The following FHOD3 variants were observed in gnomAD, a reference collection of about 807,000 sequenced individuals.
The protein encoded by FHOD3 is FH1/FH2 domain-containing protein 3.
In FHOD3, 90 loss-of-function variants were observed where a neutral mutation model predicts 173.0. That is an observed-to-expected ratio of 0.52 (90% CI 0.44 to 0.62). The LOEUF (loss-of-function observed/expected upper bound fraction) is 0.62. Among genes scored for constraint, FHOD3 ranks in the 20% least tolerant of loss-of-function variants. FHOD3 has a pLI of 0.00. For missense variants in FHOD3, 1,945 were observed against 2,034.7 expected (o/e 0.96, Z 0.85); for synonymous variants, 828 against 823.0 (o/e 1.01, Z -0.10).
intron 4 of FHOD3, among the ~76,000 whole-genome samples, chr18:36,502,469 A>G (rs1463526472): frequency 1.3e-5 from 2 of 151,364 alleles, no homozygotes; most frequent in Non-Finnish European, 2.9e-5. Context: ...TCATTGTTCA[A>G]CTCTCACTTA....
intron 5 of FHOD3, among the ~76,000 whole-genome samples, chr18:36,524,487 A>G (rs1023410836): frequency 1.3e-5 from 2 of 152,106 alleles, no homozygotes; most frequent in African/African-American, 4.8e-5. Context: ...GCTCACAGAA[A>G]CACCAGGGAG....
intron 5 of FHOD3, among the ~76,000 whole-genome samples, chr18:36,513,588 G>A (rs988820957): frequency 4.6e-5 from 7 of 152,108 alleles, no homozygotes; most frequent in African/African-American, 1.7e-4. Flanking sequence ...AATATCAGAT[G>A]TCTGTGTTTG....
At chr18:36,615,611 C>A (rs1893435) in intron 9 of FHOD3, among the ~76,000 whole-genome samples, 12 of 152,148 alleles carry the variant, frequency 7.9e-5, no homozygotes, top group African/African-American at 2.6e-4. Flanking sequence ...TGTTTTAGTA[C>A]AATATTCTAT....
intron 25 of FHOD3, among the ~76,000 whole-genome samples, chr18:36,755,532 C>A (rs1435815461): frequency 6.7e-6 from 1 of 149,336 alleles, no homozygotes; most frequent in Non-Finnish European, 1.5e-5. Context: ...AAGTTCAGAA[C>A]GTGTGGCTAG....
chr18:36,600,252 AACACACACACAC>A lies in FHOD3; in HGVS notation c.719-2396_719-2385del, dbSNP rs67473480. On this transcript the variant is annotated intron_variant, in intron 7 of 28. Transcript: ENST00000590592. ...CCAGTACAGGAACCCTCTCCTCTGC[AACACACACACAC>A]ACACACACACACACACACACACACA... 6.0e-3 allele frequency among the ~76,000 whole-genome samples: 854 copies of A among 143,174 alleles called. 4 individuals carry two copies. Among genetic ancestry groups the A allele is most frequent in the African/African-American group, 0.011 (440 of 38,448 alleles). 93.9% of individuals were successfully genotyped at this position (143,174 alleles called of 152,430 possible).
chr18:36,587,992 G>A (rs1374061307), intron 6 of FHOD3, among the ~76,000 whole-genome samples: 1 of 152,202 alleles, frequency 6.6e-6, no homozygotes, highest in East Asian at 1.9e-4. Flanking sequence ...GACCACATGG[G>A]TTCGGTGCTC....
chr18:36,600,265 A>ACACACACT (rs1175918187), intron 7 of FHOD3, among the ~76,000 whole-genome samples: 1 of 149,532 alleles, frequency 6.7e-6, no homozygotes, highest in East Asian at 1.9e-4. Flanking sequence ...ACACACACAC[A>ACACACACT]CACACACACA....
At chr18:36,304,827 T>C (rs1032003808) in intron 1 of FHOD3, among the ~76,000 whole-genome samples, 2 of 152,252 alleles carry the variant, frequency 1.3e-5, no homozygotes, top group African/African-American at 4.8e-5. Flanking sequence ...GCTAAGGCTA[T>C]AATAAGTGAT....
At chr18:36,466,796 A>G (rs1435616430) in intron 3 of FHOD3, among the ~76,000 whole-genome samples, 1 of 151,870 alleles carries the variant, frequency 6.6e-6, no homozygotes, top group Non-Finnish European at 1.5e-5. Context: ...CTGAAAAACA[A>G]CTCAGAGACA....
At chr18:36,370,313 C>A (rs545911021) in intron 2 of FHOD3, among the ~76,000 whole-genome samples, 2 of 151,680 alleles carry the variant, frequency 1.3e-5, no homozygotes, top group African/African-American at 4.8e-5. Context: ...GATTAAACTT[C>A]TAAAAAAAAT....
At chr18:36,311,841 GC>G (rs1366656130) in intron 1 of FHOD3, among the ~76,000 whole-genome samples, 17 of 152,234 alleles carry the variant, frequency 1.1e-4, no homozygotes, top group Non-Finnish European at 4.4e-5. Context: ...GGGGACAGGT[GC>G]GCCCCTTCTT....
chr18:36,575,478 C>G lies in FHOD3; in HGVS notation c.512-973C>G, dbSNP rs539642974. Among the ~76,000 whole-genome samples, 280 of 152,262 alleles carry G rather than the reference C, an allele frequency of 1.8e-3. 1 individual carries two copies. The highest frequency in any genetic ancestry group is 6.8e-3 in the Middle Eastern group (2 of 294). On this transcript the variant is annotated intron_variant, in intron 5 of 28. Transcript: ENST00000590592. ...AAAAAAAGAATGTAAGAAAATACAT[C>G]AATATTTTAAGAATGGTTATCTTTA...
intron 3 of FHOD3, among the ~76,000 whole-genome samples, chr18:36,498,258 G>A (rs897712049): frequency 1.8e-4 from 27 of 152,096 alleles, no homozygotes; most frequent in African/African-American, 6.0e-4. Context: ...TTAGAAACAA[G>A]ACGGGTCTCA....
chr18:36,421,670 C>A (rs1407851327), intron 3 of FHOD3, among the ~76,000 whole-genome samples: 2 of 152,154 alleles, frequency 1.3e-5, no homozygotes, highest in Non-Finnish European at 2.9e-5. Context: ...TGAAATAATT[C>A]TCCAGAATCA....
chr18:36,338,344 G>C (rs1384568354), intron 1 of FHOD3, among the ~76,000 whole-genome samples: 1 of 152,176 alleles, frequency 6.6e-6, no homozygotes, highest in Non-Finnish European at 1.5e-5. Flanking sequence ...TGGGGCTGCT[G>C]TAAAGGACAG....
chr18:36,425,659 T>C (rs1172136143), intron 3 of FHOD3, among the ~76,000 whole-genome samples: 2 of 152,198 alleles, frequency 1.3e-5, no homozygotes, highest in Admixed American at 1.3e-4. Context: ...TGTATAAACA[T>C]GATGCTTTGA....
intron 5 of FHOD3, among the ~76,000 whole-genome samples, chr18:36,548,872 A>G (rs2147275940): frequency 6.6e-6 from 1 of 152,326 alleles, no homozygotes; most frequent in South Asian, 2.1e-4. Flanking sequence ...TATTCAAAAT[A>G]AAGCCTTTGT....
Position 36,574,309 on chromosome 18 carries a change from G to A in FHOD3, c.512-2142G>A, listed in dbSNP as rs767110144. ...TTAAAATACCTTTGCCAATTTGAGT[G>A]AAAACACTACCTTATTATTATTTTA... is the stretch of plus-strand genomic sequence containing the variant. On this transcript the variant is annotated intron_variant, in intron 5 of 28. Coordinates refer to ENST00000590592, the MANE Select transcript of FHOD3 (RefSeq NM_001281740.3). Among the ~76,000 whole-genome samples the A allele has an allele frequency of 3.4e-4, 51 of 152,194 alleles. No individual in the cohort carries two copies. In the Middle Eastern group the frequency reaches 0.01, roughly 30 times the overall value.
At chr18:36,694,294 T>C (rs1001846323) in intron 17 of FHOD3, among the ~76,000 whole-genome samples, 2 of 152,232 alleles carry the variant, frequency 1.3e-5, no homozygotes, top group African/African-American at 4.8e-5. Flanking sequence ...TAAAGTTTAA[T>C]TTAAACAAGG....
Sources: allele counts gnomAD v4.1 joint callset (sites outside exome capture counted in the v4.1 genomes callset), GRCh38; gene constraint gnomAD v4.1.1; transcripts MANE v1.5; gene names NCBI Gene and HGNC (gene_info 2026-07-23, HGNC 2026-07-21).